TMEM94: variants seen among roughly 807,000 people sequenced by gnomAD.
The protein encoded by TMEM94 is ER Mg2+ ATPase.
TMEM94 carries 81 observed loss-of-function variants against 158.6 expected under a neutral mutation model. That is an observed-to-expected ratio of 0.51 (90% CI 0.43 to 0.61). TMEM94 has a LOEUF of 0.61. TMEM94 is among the 20% of genes least tolerant of loss of function. The probability of loss-of-function intolerance (pLI) is 0.00; values close to 1 mark genes in which losing one functional copy is unlikely to be tolerated. For missense variants in TMEM94, 1,435 were observed against 1,762.0 expected (o/e 0.81, Z 3.32); for synonymous variants, 751 against 730.7 (o/e 1.03, Z -0.45).
At position 75,495,317 on chromosome 17, in the gene TMEM94, T is replaced by C. The variant is rs1205618733; in HGVS notation, c.2762T>C (p.Met921Thr). The C allele has an allele frequency of 1.9e-6, 3 of 1,612,078 alleles. No homozygotes were observed. Among genetic ancestry groups the C allele is most frequent in the Non-Finnish European group, 1.7e-6 (2 of 1,178,542 alleles). Residue 921 changes from methionine (M) to threonine (T), a missense_variant, in exon 21 of 32, where the codon ATG becomes ACG. By Grantham distance (81) the Met-to-Thr change is moderately conservative (BLOSUM62 -1). Coordinates refer to ENST00000314256, the MANE Select transcript of TMEM94 (RefSeq NM_014738.6). This position sits in a 1 kb window ranked among gnomAD's most constrained non-coding sequence, Gnocchi z 5.6. ...GATGATGCAGAAGGGCTCCTCCTCA[T>C]GGAGGAGGAGGGCCACTCGGACCTC... is the stretch of plus-strand genomic sequence containing the variant. ...SRDDAEGLLL[M>T]EEEGHSDLIS...
intron 1 of TMEM94, among the ~76,000 whole-genome samples, chr17:75,462,011 G>GTTTTTTTTTTTTTTT (rs1156728166): frequency 3.2e-5 from 3 of 92,872 alleles, no homozygotes; most frequent in African/African-American, 1.5e-4. Context: ...GTTTTGTTTT[G>GTTTTTTTTTTTTTTT]TTTTTTTTTT....
chr17:75,459,488 T>A (rs1031903027), intron 1 of TMEM94, among the ~76,000 whole-genome samples: 8 of 152,186 alleles, frequency 5.3e-5, no homozygotes, highest in African/African-American at 1.9e-4. Flanking sequence ...GAACCAGCCT[T>A]TTGGAAACCT....
intron 1 of TMEM94, among the ~76,000 whole-genome samples, chr17:75,467,527 T>C (rs865964208): frequency 9.4e-5 from 13 of 138,824 alleles, no homozygotes; most frequent in South Asian, 2.4e-4. Flanking sequence ...TTTCTTTTTT[T>C]TTTTTTTTTT....
intron 1 of TMEM94, among the ~76,000 whole-genome samples, chr17:75,458,815 T>C (rs2145957537): frequency 6.6e-6 from 1 of 152,102 alleles, no homozygotes; most frequent in South Asian, 2.1e-4. Flanking sequence ...CCCAGCACTT[T>C]GGGAGGCAGA....
chr17:75,468,400 C>A (rs777070821), intron 1 of TMEM94, among the ~76,000 whole-genome samples: 1 of 152,238 alleles, frequency 6.6e-6, no homozygotes, highest in South Asian at 2.1e-4. Context: ...CCCCATCTGG[C>A]TCCTGGTGTT....
Position 75,492,842 on chromosome 17 carries a change from G to T in TMEM94, c.1912+53G>T, listed in dbSNP as rs2052336946. The T allele has an allele frequency of 2.5e-6, 4 of 1,583,938 alleles. No homozygotes were observed. The South Asian group carries it at 3.4e-5, about 14-fold the overall frequency. On this transcript the variant is annotated intron_variant, in intron 15 of 31. Coordinates refer to ENST00000314256, the MANE Select transcript of TMEM94 (RefSeq NM_014738.6). This position sits in a 1 kb window ranked among gnomAD's most constrained non-coding sequence, Gnocchi z 4.4. ...TGGCTGGACCCGCCTCCTAGAAGAG[G>T]CCCAGTACCAACTCCTCACGGGACT...
chr17:75,471,276 T>C (rs1018859517), intron 1 of TMEM94, among the ~76,000 whole-genome samples: 18 of 132,324 alleles, frequency 1.4e-4, no homozygotes, highest in Non-Finnish European at 7.9e-5. Flanking sequence ...AGAAAGAAAA[T>C]GAAGGGTGAA....
Position 75,493,403 on chromosome 17 carries a change from C to T in TMEM94, c.2087-88C>T, listed in dbSNP as rs568155061. 4 of 1,358,846 alleles carry T rather than the reference C, an allele frequency of 2.9e-6. No homozygotes were observed. In the African/African-American group the frequency reaches 5.7e-5, roughly 19 times the overall value. 84.2% of individuals were successfully genotyped at this position (1,358,846 alleles called of 1,614,324 possible). ...CTCCTCTGGCAGGGGCTCCTCAGCG[C>T]CCTTCTCCAGGAGGACAGTGCGTTG... is the stretch of plus-strand genomic sequence containing the variant. On this transcript the variant is annotated intron_variant, in intron 16 of 31. Coordinates refer to ENST00000314256, the MANE Select transcript of TMEM94 (RefSeq NM_014738.6).
chr17:75,466,540 G>C (rs941382364), intron 1 of TMEM94, among the ~76,000 whole-genome samples: 1 of 152,152 alleles, frequency 6.6e-6, no homozygotes, highest in African/African-American at 2.4e-5. Context: ...GAGAGGCTGG[G>C]CATGGTGGCT....
rs2052528016 is a variant in TMEM94, at chr17:75,494,800, A to C, written c.2581A>C (p.Lys861Gln). 6.2e-7 allele frequency: 1 copy of C among 1,613,588 alleles called. No homozygotes were observed. Among genetic ancestry groups the C allele is most frequent in the Non-Finnish European group, 8.5e-7 (1 of 1,179,988 alleles). ...CTACTTCTCTTTGGAGGATGAGCTC[A>C]AAAGCAAGGTGGGGAGAGCCATCCC... Reference protein sequence around the residue: ...FVYFSLEDELKSKVFAEKMGL... With the variant: ...FVYFSLEDELQSKVFAEKMGL... The change falls in exon 19 of 32, where the codon AAA becomes CAA. Residue 861 changes from lysine (K) to glutamine (Q), a missense_variant. Lys to Gln is a moderately conservative substitution (Grantham distance 53). Coordinates refer to ENST00000314256, the MANE Select transcript of TMEM94 (RefSeq NM_014738.6).
At chr17:75,488,985 GCC>G in intron 7 of TMEM94, 75 bp downstream of exon 7, 1 of 1,479,616 alleles carries the variant, frequency 6.8e-7, no homozygotes, top group Non-Finnish European at 9.1e-7. Context: ...CAAGGAAGGG[GCC>G]CCGTTCATCT....
chr17:75,496,994 G>T, intron 25 of TMEM94, 119 bp from the exon 26 acceptor site: 1 of 1,059,826 alleles, frequency 9.4e-7, no homozygotes. Context: ...TCCGGCCCCT[G>T]TTCCCTCTGG....
At chr17:75,465,066 C>G (rs2050255227) in intron 1 of TMEM94, among the ~76,000 whole-genome samples, 1 of 152,018 alleles carries the variant, frequency 6.6e-6, no homozygotes, top group Non-Finnish European at 1.5e-5. Flanking sequence ...GTGGCGTGAT[C>G]ATAGCTCCCT....
rs1013229188 is a variant in TMEM94 at position 75,494,941 on chromosome 17, A to G, written c.2635A>G (p.Ile879Val). 6 of 1,613,216 alleles carry G rather than the reference A, an allele frequency of 3.7e-6. No homozygotes were observed. In the African/African-American group the frequency reaches 6.7e-5, roughly 18 times the overall value. Reference sequence around the variant, plus strand: ...CCTGGAGACAGGCTGGAACTGCCACATCTCCCTCACACCCAATGGTGACAT... The same window carrying G: ...CCTGGAGACAGGCTGGAACTGCCACGTCTCCCTCACACCCAATGGTGACAT... ...MGLETGWNCH[I>V]SLTPNGDMPG... Residue 879 changes from isoleucine (I) to valine (V), a missense_variant, in exon 20 of 32, where the codon ATC becomes GTC. By Grantham distance (29) the Ile-to-Val change is conservative. This residue lies in a region of TMEM94 where 1,051 missense variants were observed against 1,254.4 expected (regional missense o/e 0.84). Coordinates refer to ENST00000314256, the MANE Select transcript of TMEM94 (RefSeq NM_014738.6).
chr17:75,460,805 C>T (rs368681719), intron 1 of TMEM94, among the ~76,000 whole-genome samples: 5 of 151,658 alleles, frequency 3.3e-5, no homozygotes, highest in East Asian at 3.9e-4. Context: ...CAGAAGTTGC[C>T]GATTTTTAAA....
intron 1 of TMEM94, among the ~76,000 whole-genome samples, chr17:75,462,011 G>GTTTTTTTTTTTTTTTTTTTTTTTTTT (rs1156728166): frequency 2.2e-5 from 2 of 92,886 alleles, no homozygotes; most frequent in African/African-American, 1.0e-4. Flanking sequence ...GTTTTGTTTT[G>GTTTTTTTTTTTTTTTTTTTTTTTTTT]TTTTTTTTTT....
chr17:75,485,344 C>T lies in TMEM94; in HGVS notation c.25-84C>T. On this transcript the variant is annotated intron_variant, in intron 2 of 31. Transcript: ENST00000314256. The surrounding 1 kb of genome is among the most constrained non-coding windows in gnomAD (Gnocchi z 5.5). Reference sequence around the variant, plus strand: ...CCCAGAGGAGGGGAAGGATGAAGGGCCAGGGAAGGGGAGGGTTGGGGCCCG... The same window carrying T: ...CCCAGAGGAGGGGAAGGATGAAGGGTCAGGGAAGGGGAGGGTTGGGGCCCG... The T allele has an allele frequency of 8.0e-6, 12 of 1,502,672 alleles. No homozygotes were observed. Among genetic ancestry groups the T allele is most frequent in the South Asian group, 1.2e-5 (1 of 83,658 alleles). The allele number at this position is 1,502,672 out of a possible 1,614,324, so 93.1% of individuals were successfully genotyped here.
chr17:75,499,669 T>G lies in TMEM94; in HGVS notation c.*335T>G, dbSNP rs1415532993. ...TAGGGATCCCTTGCCCCCTTGGAGA[T>G]CCCTTGCCCCCCAGTGCCTCTGCTC... On this transcript the variant is annotated 3_prime_UTR_variant, in exon 32 of 32. Transcript: ENST00000314256. The G allele has an allele frequency of 3.6e-6, 1 of 275,322 alleles. No individual in the cohort carries two copies. The highest frequency in any genetic ancestry group is 7.0e-6 in the Non-Finnish European group (1 of 143,820). 17.1% of individuals were successfully genotyped at this position (275,322 alleles called of 1,614,324 possible).
At chr17:75,457,901 G>C (rs1235639285) in intron 1 of TMEM94, among the ~76,000 whole-genome samples, 1 of 152,094 alleles carries the variant, frequency 6.6e-6, no homozygotes, top group Non-Finnish European at 1.5e-5. Context: ...TGACTCCCCT[G>C]AGCTCTTGCA....
Sources: allele counts gnomAD v4.1 joint callset (sites outside exome capture counted in the v4.1 genomes callset), GRCh38; gene constraint gnomAD v4.1.1; regional missense constraint gnomAD v4.1.1; non-coding constraint Gnocchi (gnomAD v3.1); transcripts MANE v1.5; gene names NCBI Gene and HGNC (gene_info 2026-07-23, HGNC 2026-07-21).